Variants in RBFOX1 observed in about 807,000 individuals in gnomAD.
RBFOX1 encodes the protein RNA binding protein fox-1 homolog 1.
Under a neutral mutation model 57.7 loss-of-function variants are expected in RBFOX1, and 8 were observed. The ratio of observed to expected loss-of-function variants is 0.14; its 90% CI spans 0.08 to 0.25. The LOEUF is 0.25. RBFOX1 is among the 10% of genes least tolerant of loss of function. The probability of loss-of-function intolerance (pLI) is 1.00; values close to 1 mark genes in which losing one functional copy is unlikely to be tolerated. For missense variants in RBFOX1, 611 were observed against 548.5 expected (o/e 1.11, Z -1.14); for synonymous variants, 326 against 222.4 (o/e 1.47, Z -4.15).
At chr16:6,519,567 G>C (rs755591110) in intron 2 of RBFOX1, among the ~76,000 whole-genome samples, 28 of 152,078 alleles carry the variant, frequency 1.8e-4, no homozygotes, top group Non-Finnish European at 3.7e-4. Flanking sequence ...CAGGCGTGGT[G>C]GTACATGCCT....
At chr16:6,929,456 G>T (rs574811462) in intron 3 of RBFOX1, among the ~76,000 whole-genome samples, 2 of 152,200 alleles carry the variant, frequency 1.3e-5, no homozygotes, top group South Asian at 4.1e-4. Flanking sequence ...TATCAGAAGC[G>T]TGCTTTTCTG....
chr16:5,342,239 C>T (rs1399277288), intron 1 of RBFOX1, among the ~76,000 whole-genome samples: 1 of 152,174 alleles, frequency 6.6e-6, no homozygotes, highest in African/African-American at 2.4e-5. Flanking sequence ...GTGGCCTCTG[C>T]AGCCATCTGT....
intron 3 of RBFOX1, among the ~76,000 whole-genome samples, chr16:6,849,837 C>T (rs2093971546): frequency 6.6e-6 from 1 of 152,216 alleles, no homozygotes; most frequent in Non-Finnish European, 1.5e-5. Context: ...TTTTCTTTGT[C>T]CGTTGTGCCT....
At chr16:6,608,437 C>T (rs1426628489) in intron 2 of RBFOX1, among the ~76,000 whole-genome samples, 4 of 152,162 alleles carry the variant, frequency 2.6e-5, no homozygotes. Flanking sequence ...TAACAGTTTT[C>T]ACCCTTATTC....
At chr16:6,530,732 C>A (rs967020874) in intron 2 of RBFOX1, among the ~76,000 whole-genome samples, 1 of 130,562 alleles carries the variant, frequency 7.7e-6, no homozygotes, top group Non-Finnish European at 1.7e-5. Flanking sequence ...TGCAGGGGAA[C>A]TCCCTTTTAT....
intron 3 of RBFOX1, among the ~76,000 whole-genome samples, chr16:6,978,193 T>TG (rs778348197): frequency 1.2e-4 from 18 of 152,306 alleles, no homozygotes; most frequent in Middle Eastern, 3.4e-3. Flanking sequence ...CAGCCTTGAC[T>TG]GGGCCCTCGG....
At chr16:5,432,522 C>T (rs1332660223) in intron 1 of RBFOX1, among the ~76,000 whole-genome samples, 1 of 147,566 alleles carries the variant, frequency 6.8e-6, no homozygotes, top group South Asian at 2.1e-4. Flanking sequence ...TATCGTCTTA[C>T]CTTACAACTG....
intron 1 of RBFOX1, among the ~76,000 whole-genome samples, chr16:5,443,059 G>A (rs922392346): frequency 6.6e-6 from 1 of 152,162 alleles, no homozygotes; most frequent in Non-Finnish European, 1.5e-5. Context: ...GCAAGGAACA[G>A]TCCTCCTCTA....
intron 3 of RBFOX1, among the ~76,000 whole-genome samples, chr16:6,768,539 A>G (rs955362437): frequency 6.6e-6 from 1 of 151,974 alleles, no homozygotes; most frequent in African/African-American, 2.4e-5. Flanking sequence ...ATACATTGAC[A>G]AAAATATTTA....
chr16:6,363,742 C>A (rs1258303339), intron 2 of RBFOX1, among the ~76,000 whole-genome samples: 1 of 152,184 alleles, frequency 6.6e-6, no homozygotes, highest in Non-Finnish European at 1.5e-5. Flanking sequence ...AGAAATCAAT[C>A]GCTCTGTTCA....
intron 2 of RBFOX1, among the ~76,000 whole-genome samples, chr16:6,373,041 G>T (rs1189310042): frequency 6.7e-6 from 1 of 150,364 alleles, no homozygotes; most frequent in Non-Finnish European, 1.5e-5. Flanking sequence ...AGATTCAGTG[G>T]CAGAGTATAG....
Position 6,597,192 on chromosome 16 carries a change from A to T in RBFOX1, c.-63-57411A>T, listed in dbSNP as rs111452979. Among the ~76,000 whole-genome samples the T allele has an allele frequency of 3.9e-5, 6 of 152,264 alleles. No individual in the cohort carries two copies. The East Asian group carries it at 9.7e-4, about 25-fold the overall frequency. Reference sequence around the variant, plus strand: ...TATAAATTACTAAGGACGATTCTCTAATCTTCATATCTCATCTCCAGCATC... The same window carrying T: ...TATAAATTACTAAGGACGATTCTCTTATCTTCATATCTCATCTCCAGCATC... On this transcript the variant is annotated intron_variant, in intron 2 of 15. Transcript: ENST00000550418.
At chr16:6,863,546 A>T (rs528712739) in intron 3 of RBFOX1, among the ~76,000 whole-genome samples, 39 of 152,048 alleles carry the variant, frequency 2.6e-4, no homozygotes, top group African/African-American at 8.0e-4. Flanking sequence ...TTTTCTGGTT[A>T]CATAGATAAA....
At chr16:6,483,295 C>T (rs1218583015) in intron 2 of RBFOX1, 20 of 1,391,614 alleles carry the variant, frequency 1.4e-5, no homozygotes, top group Non-Finnish European at 1.8e-5. Context: ...ACGGGCTGCT[C>T]GCTCTCGCGC....
chr16:6,193,375 T>TATATACATTATATATATATATATATAC (rs1555545321), intron 1 of RBFOX1, among the ~76,000 whole-genome samples: 3 of 64,868 alleles, frequency 4.6e-5, no homozygotes, highest in African/African-American at 1.3e-4. Flanking sequence ...TATATATATA[T>TATATACATTATATATATATATATATAC]ACATTATATA....
intron 1 of RBFOX1, among the ~76,000 whole-genome samples, chr16:5,361,783 G>A (rs1199126429): frequency 1.3e-5 from 2 of 152,222 alleles, no homozygotes; most frequent in Non-Finnish European, 2.9e-5. Flanking sequence ...TCTCAGGTGA[G>A]CCTGCCTGGT....
At chr16:5,249,506 CTG>C (rs1567233890) in intron 1 of RBFOX1, among the ~76,000 whole-genome samples, 2 of 152,230 alleles carry the variant, frequency 1.3e-5, no homozygotes, top group Non-Finnish European at 2.9e-5. Flanking sequence ...TTTTCTGACT[CTG>C]TTCTATGTTG....
chr16:6,003,920 C>T (rs879462107), intron 4 of RBFOX1, among the ~76,000 whole-genome samples: 3 of 152,178 alleles, frequency 2.0e-5, no homozygotes, highest in Non-Finnish European at 4.4e-5. Flanking sequence ...TCTGGCTTTT[C>T]TATGAAGTCT....
intron 1 of RBFOX1, among the ~76,000 whole-genome samples, chr16:6,290,014 G>C (rs1356768701): frequency 6.6e-6 from 1 of 152,204 alleles, no homozygotes; most frequent in Admixed American, 6.5e-5. Context: ...GATCATTAGA[G>C]ATAACCCGTG....
Sources: allele counts gnomAD v4.1 joint callset (sites outside exome capture counted in the v4.1 genomes callset), GRCh38; gene constraint gnomAD v4.1.1; transcripts MANE v1.5; gene names NCBI Gene and HGNC (gene_info 2026-07-23, HGNC 2026-07-21).